CAMTA2: variants seen among roughly 807,000 people sequenced by gnomAD.
CAMTA2 encodes calmodulin binding transcription activator 2, also known as calmodulin-binding transcription activator 2.
A neutral mutation model predicts 135.7 loss-of-function variants in CAMTA2; 56 were observed. That is an observed-to-expected ratio of 0.41 (90% CI 0.33 to 0.52). CAMTA2 has a LOEUF of 0.52. Ranked by LOEUF, CAMTA2 falls within the 20% of genes least tolerant of loss-of-function variation. The pLI is 0.16. For missense variants in CAMTA2, 1,358 were observed against 1,553.4 expected (o/e 0.87, Z 2.11); for synonymous variants, 591 against 604.6 (o/e 0.98, Z 0.33).
In CAMTA2 at chr17:4,973,157, GGAATCC is replaced by G. The variant is rs760667008; in HGVS notation, c.2280+12_2280+17del. On this transcript the variant is annotated intron_variant, in intron 14 of 22. Transcript: ENST00000348066. ...TTGCTCCCTGCCCCATATGCGCTCA[GGAATCC>G]GTCATCCTCACCAGAGGGGTGCAAG... The G allele has an allele frequency of 2.5e-6, 4 of 1,609,692 alleles. No homozygotes were observed. In the East Asian group the frequency reaches 8.9e-5, roughly 36 times the overall value.
chr17:4,974,631 G>A, intron 11 of CAMTA2, 131 bp from the exon 12 acceptor site: 1 of 635,340 alleles, frequency 1.6e-6, no homozygotes, highest in Non-Finnish European at 2.9e-6. Context: ...CAAAACAACA[G>A]CTCCTTTACC....
At chr17:4,984,998 C>CA (rs1973173387) in intron 3 of CAMTA2, among the ~76,000 whole-genome samples, 2 of 136,198 alleles carry the variant, frequency 1.5e-5, no homozygotes, top group Admixed American at 8.0e-5. Flanking sequence ...GCCTGGGCGA[C>CA]AGAGCGAGAC....
chr17:4,984,141 G>A (rs879689840), intron 3 of CAMTA2, among the ~76,000 whole-genome samples: 2 of 151,904 alleles, frequency 1.3e-5, no homozygotes, highest in Admixed American at 1.3e-4. Context: ...TAGTAGAGAC[G>A]GGGTTTCACT....
At chr17:4,972,570 G>A in intron 15 of CAMTA2, 34 bp from the exon 16 acceptor site, 1 of 1,585,748 alleles carries the variant, frequency 6.3e-7, no homozygotes, top group African/African-American at 1.3e-5. Flanking sequence ...AGGGCAGCCG[G>A]AGCCACGGCC....
chr17:4,972,141 GA>G, intron 16 of CAMTA2, 90 bp downstream of exon 16: 1 of 1,153,838 alleles, frequency 8.7e-7, no homozygotes, highest in African/African-American at 1.5e-5. Flanking sequence ...TTCCTAAACT[GA>G]AGCCAGACTT....
intron 1 of CAMTA2, chr17:4,986,945 C>T: frequency 6.6e-7 from 1 of 1,519,236 alleles, no homozygotes; most frequent in South Asian, 1.2e-5. Context: ...GCCTCCAGGC[C>T]TAGCCTACCC....
rs781369963 is a variant in CAMTA2 at position 4,968,639 on chromosome 17, C to T, written c.*117G>A. The T allele has an allele frequency of 2.4e-5, 28 of 1,153,636 alleles. No homozygotes were observed. The highest frequency in any genetic ancestry group is 3.3e-5 in the Non-Finnish European group (26 of 787,520). 71.5% of individuals were successfully genotyped at this position (1,153,636 alleles called of 1,614,324 possible). A position where few individuals can be genotyped will look rare whatever the true frequency, so the allele number is the denominator to read the frequency against. On this transcript the variant is annotated 3_prime_UTR_variant, in exon 23 of 23. Coordinates refer to ENST00000348066, the MANE Select transcript of CAMTA2 (RefSeq NM_015099.4). ...GAGGAGGGAGGAGGCCTACAGAGGG[C>T]TCCAACAAAGGTGAACAGGAAAGCT...
At chr17:4,974,615 C>A (rs1810143590) in intron 11 of CAMTA2, 115 bp from the exon 12 acceptor site, 1 of 677,092 alleles carries the variant, frequency 1.5e-6, no homozygotes, top group Non-Finnish European at 2.7e-6. Context: ...ATTCTTTTAT[C>A]TTCCCCAAAA....
intron 13 of CAMTA2, 152 bp downstream of exon 13, chr17:4,973,433 C>A: frequency 1.1e-6 from 1 of 897,452 alleles, no homozygotes; most frequent in Non-Finnish European, 1.7e-6. Flanking sequence ...TATGAAAGTT[C>A]CCCAAAATAT....
rs1972127934 is a variant in CAMTA2 at position 4,969,506 on chromosome 17, T to G, written c.3276A>C (p.Ala1092=). 1.2e-6 allele frequency: 2 copies of G among 1,614,006 alleles called. No homozygotes were observed. Among genetic ancestry groups the G allele is most frequent in the Non-Finnish European group, 1.7e-6 (2 of 1,180,016 alleles). The change falls in exon 20 of 23, where the codon GCA becomes GCC. Residue 1092 remains alanine, a synonymous_variant. Coordinates refer to ENST00000348066, the MANE Select transcript of CAMTA2 (RefSeq NM_015099.4). The surrounding 1 kb of genome is among the most constrained non-coding windows in gnomAD (Gnocchi z 5.6). ...YRKYKQLTWI[A]LKFALYKKMT... Reference sequence around the variant, plus strand: ...CAGAGCTCATGCCTAATACCTTAAGTGCAATCCAGGTCAGCTTGTGGAGAG... The same window carrying G: ...CAGAGCTCATGCCTAATACCTTAAGGGCAATCCAGGTCAGCTTGTGGAGAG...
chr17:4,968,451 T>TCGGGTGCAGGCAGGAGGAGCTGGGGAG lies in CAMTA2; in HGVS notation c.*278_*304dup, dbSNP rs1567679687. On this transcript the variant is annotated 3_prime_UTR_variant, in exon 23 of 23. Coordinates refer to ENST00000348066, the MANE Select transcript of CAMTA2 (RefSeq NM_015099.4). ...TAAGGCAAGTCAGGAGGGGGCCGAG[T>TCGGGTGCAGGCAGGAGGAGCTGGGGAG]CGGGTGCAGGCAGGAGGAGCTGGGG... 2.0e-5 allele frequency: 10 copies of TCGGGTGCAGGCAGGAGGAGCTGGGGAG among 504,962 alleles called. No individual in the cohort carries two copies. Among genetic ancestry groups the TCGGGTGCAGGCAGGAGGAGCTGGGGAG allele is most frequent in the Admixed American group, 3.4e-5 (1 of 29,006 alleles). The allele number at this position is 504,962 out of a possible 1,614,324, so 31.3% of individuals were successfully genotyped here.
rs1243210293 is a variant in CAMTA2, at chr17:4,969,323, C to T, written c.3297G>A (p.Lys1099=). 1.2e-6 allele frequency: 2 copies of T among 1,613,672 alleles called. No individual in the cohort carries two copies. The highest frequency in any genetic ancestry group is 1.3e-5 in the African/African-American group (1 of 74,816). ...TCAGGATGGCCGCCTGGGTCATCTTCTTATAGAGTGCAAACTGCAGGGGTG... is the reference window on the plus strand; with the variant it reads ...TCAGGATGGCCGCCTGGGTCATCTTTTTATAGAGTGCAAACTGCAGGGGTG... ...TWIALKFALY[K]KMTQAAILIQ... is the part of the protein sequence containing the mutation. The change falls in exon 21 of 23, where the codon AAG becomes AAA. Residue 1099 remains lysine (K), a synonymous_variant. Coordinates refer to ENST00000348066, the MANE Select transcript of CAMTA2 (RefSeq NM_015099.4). The surrounding 1 kb of genome is among the most constrained non-coding windows in gnomAD (Gnocchi z 5.6).
At chr17:4,977,574 G>A (rs1972689005) in intron 10 of CAMTA2, among the ~76,000 whole-genome samples, 2 of 152,234 alleles carry the variant, frequency 1.3e-5, no homozygotes, top group Admixed American at 6.5e-5. Context: ...GGAGCTAGCC[G>A]CTCATGAACA....
chr17:4,981,955 C>T (rs1202552944), intron 6 of CAMTA2, 124 bp from the exon 7 acceptor site: 2 of 1,282,624 alleles, frequency 1.6e-6, no homozygotes, highest in Non-Finnish European at 2.2e-6. Context: ...TCTCTCCATC[C>T]CCAAGCCCCT....
At chr17:4,974,186 G>C (rs891488204) in intron 12 of CAMTA2, 199 bp downstream of exon 12, 1 of 571,442 alleles carries the variant, frequency 1.7e-6, no homozygotes, top group Non-Finnish European at 3.1e-6. Context: ...TCTGAAGCCC[G>C]TCATGCCAAG....
In CAMTA2 at chr17:4,980,125, G is replaced by A. The variant is rs1200174510; in HGVS notation, c.1197C>T (p.Asp399=). 6.2e-7 allele frequency: 1 copy of A among 1,604,128 alleles called. No homozygotes were observed. Among genetic ancestry groups the A allele is most frequent in the Admixed American group, 1.7e-5 (1 of 59,174 alleles). ...TATGAGCGGCCTCTGCCTCGGGGAA[G>A]TCTGGGCTTACTCCCTGCCCCCCTC... ...TYGGGQGVSP[D]FPEAEAAHTP... Residue 399 remains aspartate, a synonymous_variant, in exon 9 of 23, where the codon GAC becomes GAT. Coordinates refer to ENST00000348066, the MANE Select transcript of CAMTA2 (RefSeq NM_015099.4). The surrounding 1 kb of genome is among the most constrained non-coding windows in gnomAD (Gnocchi z 5.3).
rs1259603581 is a variant in CAMTA2 at position 4,982,895 on chromosome 17, G to A, written c.204-3C>T. On this transcript the variant is annotated splice_region_variant and splice_polypyrimidine_tract_variant and intron_variant, in intron 4 of 22. Coordinates refer to ENST00000348066, the MANE Select transcript of CAMTA2 (RefSeq NM_015099.4). ...GGATGATGGAGCCATTCTGAGGCCT[G>A]GGAAGGGAAGGGTTGCCCTGGAGTT... is the stretch of plus-strand genomic sequence containing the variant. The A allele has an allele frequency of 6.2e-6, 10 of 1,614,176 alleles. No homozygotes were observed. Among genetic ancestry groups the A allele is most frequent in the South Asian group, 1.1e-5 (1 of 91,076 alleles).
chr17:4,968,857 G>C (rs1322965511), intron 22 of CAMTA2, 38 bp from the exon 23 acceptor site: 2 of 1,612,218 alleles, frequency 1.2e-6, no homozygotes, highest in Non-Finnish European at 1.7e-6. Context: ...GAGACTGGCG[G>C]ATCACGACGG....
chr17:4,970,072 C>T lies in CAMTA2; in HGVS notation c.3019G>A (p.Glu1007Lys). ...SSTPPSELPF[E>K]RGRLAVPSAP... ...GAAGGGACAGCCAGGCGACCTCGCT[C>T]AAAGGGCAGTTCGCTGTAGGCGGTA... is the stretch of plus-strand genomic sequence containing the variant. Residue 1007 changes from glutamate to lysine, a missense_variant, in exon 18 of 23, where the codon GAG becomes AAG. Glu to Lys is a moderately conservative substitution (Grantham distance 56). This residue lies in a region of CAMTA2 where 1,077 missense variants were observed against 1,127.5 expected (regional missense o/e 0.96). Transcript: ENST00000348066. The T allele has an allele frequency of 6.2e-7, 1 of 1,613,944 alleles. No individual in the cohort carries two copies. Among genetic ancestry groups the T allele is most frequent in the Admixed American group, 1.7e-5 (1 of 60,018 alleles).
Sources: allele counts gnomAD v4.1 joint callset (sites outside exome capture counted in the v4.1 genomes callset), GRCh38; gene constraint gnomAD v4.1.1; regional missense constraint gnomAD v4.1.1; non-coding constraint Gnocchi (gnomAD v3.1); transcripts MANE v1.5; gene names NCBI Gene and HGNC (gene_info 2026-07-23, HGNC 2026-07-21).